The following CHST7 variants were observed in gnomAD, a reference collection of about 807,000 sequenced individuals.
The protein encoded by CHST7 is N-acetylglucosamine 6-O-sulfotransferase 4.
A neutral mutation model predicts 9.0 loss-of-function variants in CHST7; 5 were observed. The observed-to-expected ratio is 0.56, with a 90% CI of 0.29 to 1.17. The LOEUF is 1.17. CHST7 is among the 50% of genes most tolerant of loss of function. The probability of loss-of-function intolerance (pLI) is 0.08; values close to 1 mark genes in which losing one functional copy is unlikely to be tolerated. For missense variants in CHST7, 377 were observed against 485.1 expected (o/e 0.78, Z 2.09); for synonymous variants, 244 against 237.1 (o/e 1.03, Z -0.27).
intron 1 of CHST7, among the ~76,000 whole-genome samples, chrX:46,591,527 A>G (rs1339875728): frequency 9.1e-6 from 1 of 109,852 alleles, no homozygotes; most frequent in Non-Finnish European, 1.9e-5. Context: ...GGGGTGCGCC[A>G]TCACACCCAG....
At chrX:46,581,010 G>A (rs1050776431) in intron 1 of CHST7, among the ~76,000 whole-genome samples, 2 of 110,492 alleles carry the variant, frequency 1.8e-5, no homozygotes, top group Non-Finnish European at 3.8e-5. Context: ...TGAGGCGGGC[G>A]GATCACTTGA....
rs900959605 is a variant in CHST7, at chrX:46,597,884, T to G, written c.*156T>G. ...CTTGCTACCAACAACTGCTGTGCAA[T>G]TCTGCTGAGCAGGAATATCATGAGC... On this transcript the variant is annotated 3_prime_UTR_variant, in exon 2 of 2. Coordinates refer to ENST00000276055, the MANE Select transcript of CHST7 (RefSeq NM_019886.4). 3 of 113,230 alleles carry G rather than the reference T, an allele frequency of 2.6e-5. No homozygotes were observed. In the Admixed American group the frequency reaches 2.8e-4, roughly 11 times the overall value. The allele number at this position is 113,230 out of a possible 1,213,427, so 9.3% of individuals were successfully genotyped here.
intron 1 of CHST7, among the ~76,000 whole-genome samples, chrX:46,584,643 C>T (rs1942540587): frequency 9.1e-6 from 1 of 110,089 alleles, no homozygotes; most frequent in Non-Finnish European, 1.9e-5. Context: ...ATGCCTAGAG[C>T]GAGTGCTTGT....
intron 1 of CHST7, among the ~76,000 whole-genome samples, chrX:46,596,530 C>T (rs1406005914): frequency 9.0e-6 from 1 of 111,158 alleles, no homozygotes; most frequent in African/African-American, 3.3e-5. Context: ...TAAAATCACC[C>T]TGTGATGACA....
In CHST7 at chrX:46,574,770, C is replaced by A; in HGVS notation, c.839C>A (p.Pro280Gln). The change falls in exon 1 of 2, where the codon CCG becomes CAG. Residue 280 changes from proline (P) to glutamine (Q), a missense_variant. Pro to Gln is a moderately conservative substitution (Grantham distance 76). Transcript: ENST00000276055. ...AAGGTGGTGCAGCTTTTCCGCGACC[C>A]GAGGGCGGTGCACAACTCGCGCCTC... ...NLKVVQLFRD[P>Q]RAVHNSRLKS... 1 of 1,206,085 alleles carries A rather than the reference C, an allele frequency of 8.3e-7. No homozygotes were observed.
chrX:46,586,283 A>T (rs781430187), intron 1 of CHST7, among the ~76,000 whole-genome samples: 2 of 112,119 alleles, frequency 1.8e-5, no homozygotes, highest in Non-Finnish European at 3.8e-5. Context: ...GCAGGGAGAG[A>T]TACCTGCAGT....
chrX:46,582,544 T>G (rs1047463119), intron 1 of CHST7, among the ~76,000 whole-genome samples: 4 of 112,274 alleles, frequency 3.6e-5, no homozygotes, highest in Non-Finnish European at 3.8e-5. Context: ...ATACTTTGGG[T>G]TGTAGTCACT....
In CHST7 at chrX:46,574,664, C is replaced by G; in HGVS notation, c.733C>G (p.Pro245Ala). 1 of 1,209,387 alleles carries G rather than the reference C, an allele frequency of 8.3e-7. No individual in the cohort carries two copies. Among genetic ancestry groups the G allele is most frequent in the East Asian group, 3.0e-5 (1 of 33,701 alleles). ...CCTGGAGGCCGAGTGCCGAAAGTAC[C>G]CGGTGGTGGTCATCAAGGACGTGCG... ...RALEAECRKY[P>A]VVVIKDVRLL... The change falls in exon 1 of 2, where the codon CCG becomes GCG. Residue 245 changes from proline (P) to alanine (A), a missense_variant. Pro to Ala is a conservative substitution (Grantham distance 27). Coordinates refer to ENST00000276055, the MANE Select transcript of CHST7 (RefSeq NM_019886.4).
chrX:46,588,934 T>A (rs1436503131), intron 1 of CHST7, among the ~76,000 whole-genome samples: 3 of 111,803 alleles, frequency 2.7e-5, no homozygotes, highest in African/African-American at 6.5e-5. Context: ...AGGATAGGTC[T>A]TTAAATAGTT....
intron 1 of CHST7, among the ~76,000 whole-genome samples, chrX:46,589,299 C>T (rs1468376451): frequency 1.8e-5 from 2 of 111,345 alleles, no homozygotes; most frequent in Middle Eastern, 4.2e-3. Context: ...CTGTAATTCC[C>T]AGCACTTTGG....
In CHST7 at chrX:46,586,402, C is replaced by T. The variant is rs139156744; in HGVS notation, c.*31+10979C>T. On this transcript the variant is annotated intron_variant, in intron 1 of 1. Coordinates refer to ENST00000276055, the MANE Select transcript of CHST7 (RefSeq NM_019886.4). ...AGAGAATGAGACTTCCTGGGCAGTC[C>T]CAGTGTGGGGGTAGGGAAACTTCAG... Among the ~76,000 whole-genome samples, 632 of 111,745 alleles carry T rather than the reference C, an allele frequency of 5.7e-3. 9 individuals are homozygous for T. In the East Asian group the frequency reaches 0.065, roughly 11 times the overall value.
chrX:46,574,172 C>G lies in CHST7; in HGVS notation c.241C>G (p.Gln81Glu). Residue 81 changes from glutamine (Q) to glutamate (E), a missense_variant, in exon 1 of 2, where the codon CAG (glutamine) becomes GAG (glutamate). Coordinates refer to ENST00000276055, the MANE Select transcript of CHST7 (RefSeq NM_019886.4). ...GGCCGCCGAGGAAGGGGGCGCGAAC[C>G]AGTCTCCTCGGTTCCCAAGCAACCT... ...ARAAEEGGAN[Q>E]SPRFPSNLSG... 1.1e-5 allele frequency: 13 copies of G among 1,185,693 alleles called. No homozygotes were observed. Among genetic ancestry groups the G allele is most frequent in the Non-Finnish European group, 1.5e-5 (13 of 881,114 alleles).
chrX:46,596,944 C>T (rs1942597067), intron 1 of CHST7, among the ~76,000 whole-genome samples: 1 of 51,007 alleles, frequency 2.0e-5, no homozygotes, highest in Admixed American at 2.1e-4. Flanking sequence ...GAGACTCTGT[C>T]TCAAAAAAAA....
intron 1 of CHST7, among the ~76,000 whole-genome samples, chrX:46,595,496 A>ATT (rs770039668): frequency 9.7e-4 from 103 of 105,855 alleles, no homozygotes; most frequent in African/African-American, 2.0e-3. Context: ...AGGAGAGGGG[A>ATT]TTTTTTTTTT....
chrX:46,591,097 A>G (rs2146641816), intron 1 of CHST7, among the ~76,000 whole-genome samples: 1 of 112,412 alleles, frequency 8.9e-6, no homozygotes, highest in South Asian at 3.6e-4. Flanking sequence ...TCACTGAAGG[A>G]CATTTGGATT....
intron 1 of CHST7, among the ~76,000 whole-genome samples, chrX:46,589,422 C>T (rs1420334805): frequency 9.1e-6 from 1 of 109,933 alleles, no homozygotes; most frequent in Non-Finnish European, 1.9e-5. Flanking sequence ...TGGTGGCAGG[C>T]ACCTGTAATC....
intron 1 of CHST7, among the ~76,000 whole-genome samples, chrX:46,597,337 T>C (rs1040837181): frequency 2.7e-5 from 3 of 112,068 alleles, no homozygotes; most frequent in African/African-American, 9.7e-5. Flanking sequence ...TTTTATAGAA[T>C]CGTCAGTTGC....
At chrX:46,594,064 T>C (rs1367909831) in intron 1 of CHST7, among the ~76,000 whole-genome samples, 1 of 112,639 alleles carries the variant, frequency 8.9e-6, no homozygotes, top group Admixed American at 9.4e-5. Flanking sequence ...CGTTGTTCTT[T>C]CTTCATTTGT....
rs1451406010 is a variant in CHST7 at position 46,574,254 on chromosome X, C to G, written c.323C>G (p.Ala108Gly). The G allele has an allele frequency of 8.3e-7, 1 of 1,211,709 alleles. No individual in the cohort carries two copies. The highest frequency in any genetic ancestry group is 2.2e-5 in the Admixed American group (1 of 46,140). ...GAGAAGCAGCACATCTACGTGCATGCCACCTGGCGCACCGGCTCGTCCTTC... is the reference window on the plus strand; with the variant it reads ...GAGAAGCAGCACATCTACGTGCATGGCACCTGGCGCACCGGCTCGTCCTTC... ...SREKQHIYVH[A>G]TWRTGSSFLG... The change falls in exon 1 of 2, where the codon GCC becomes GGC. Residue 108 changes from alanine (A) to glycine (G), a missense_variant. By Grantham distance (60) the Ala-to-Gly change is moderately conservative. Coordinates refer to ENST00000276055, the MANE Select transcript of CHST7 (RefSeq NM_019886.4).
Sources: allele counts gnomAD v4.1 joint callset (sites outside exome capture counted in the v4.1 genomes callset), GRCh38; gene constraint gnomAD v4.1.1; transcripts MANE v1.5; gene names NCBI Gene and HGNC (gene_info 2026-07-23, HGNC 2026-07-21).